Variants in ELOVL6 observed in about 807,000 individuals in gnomAD.
The protein encoded by ELOVL6 is ELOVL fatty acid elongase 6.
A neutral mutation model predicts 31.7 loss-of-function variants in ELOVL6; 8 were observed. The ratio of observed to expected loss-of-function variants is 0.25; its 90% confidence interval spans 0.15 to 0.45. The LOEUF is 0.45. Ranked by LOEUF, ELOVL6 falls within the 20% of genes least tolerant of loss-of-function variation. The probability of loss-of-function intolerance (pLI) is 1.00; values close to 1 mark genes in which losing one functional copy is unlikely to be tolerated. For missense variants in ELOVL6, 126 were observed against 326.4 expected, an observed-to-expected ratio of 0.39 and a Z score of 4.73; for synonymous variants, 101 against 117.7, an observed-to-expected ratio of 0.86 and a Z score of 0.92.
At position 110,070,936 on chromosome 4, in the gene ELOVL6, C is replaced by T. The variant is rs572645269; in HGVS notation, c.222-11182G>A. On this transcript the variant is annotated intron_variant, in intron 2 of 3. Coordinates refer to ENST00000302274, the MANE Select transcript of ELOVL6 (RefSeq NM_024090.3). Reference sequence around the variant, plus strand: ...CTCTTTGTAGCAATGTAAGAAGGGACGAATAAAGATAATTAATGCAAATTT... The same window carrying T: ...CTCTTTGTAGCAATGTAAGAAGGGATGAATAAAGATAATTAATGCAAATTT... Among the ~76,000 whole-genome samples, 8 of 152,062 alleles carry T rather than the reference C, an allele frequency of 5.3e-5. No homozygotes were observed. In the South Asian group the frequency reaches 8.3e-4, roughly 16 times the overall value.
At chr4:110,198,977 C>G (rs1759909660), upstream of ELOVL6, 1 of 152,264 alleles carries the variant, frequency 6.6e-6, no homozygotes, top group Non-Finnish European at 1.5e-5. Flanking sequence ...GAACTCCGGG[C>G]AAATCTACGT....
At chr4:110,117,095 G>A (rs1757189624) in intron 1 of ELOVL6, among the ~76,000 whole-genome samples, 2 of 152,138 alleles carry the variant, frequency 1.3e-5, no homozygotes, top group Admixed American at 1.3e-4. Context: ...CCCTTCAGAG[G>A]ATATTTTGAA....
At chr4:110,100,344 C>T (rs1362060172) in intron 2 of ELOVL6, among the ~76,000 whole-genome samples, 1 of 152,142 alleles carries the variant, frequency 6.6e-6, no homozygotes, top group African/African-American at 2.4e-5. Flanking sequence ...AATAAATTAC[C>T]ACCTGAATGA....
Position 110,080,561 on chromosome 4 carries a change from T to C in ELOVL6, c.222-20807A>G, listed in dbSNP as rs561295377. On this transcript the variant is annotated intron_variant, in intron 2 of 3. Coordinates refer to ENST00000302274, the MANE Select transcript of ELOVL6 (RefSeq NM_024090.3). ...CAACAGCGCTTCATGCTAAAAACTC[T>C]CAATAGATTAGGTATTGATGGGATG... Among the ~76,000 whole-genome samples the C allele has an allele frequency of 9.2e-5, 14 of 152,318 alleles. 1 individual carries two copies. In the South Asian group the frequency reaches 2.9e-3, roughly 32 times the overall value.
chr4:110,163,932 A>G (rs986748551), intron 1 of ELOVL6, among the ~76,000 whole-genome samples: 5 of 152,218 alleles, frequency 3.3e-5, no homozygotes, highest in Non-Finnish European at 5.9e-5. Context: ...ATTTGGGAGC[A>G]ATGAAAAGTT....
chr4:110,163,070 T>C (rs1434555639), intron 1 of ELOVL6, among the ~76,000 whole-genome samples: 2 of 152,184 alleles, frequency 1.3e-5, no homozygotes, highest in Non-Finnish European at 2.9e-5. Flanking sequence ...ACTGAGAATA[T>C]ATGAACTCCA....
chr4:110,091,024 A>G (rs1352858544), intron 2 of ELOVL6, among the ~76,000 whole-genome samples: 1 of 152,242 alleles, frequency 6.6e-6, no homozygotes, highest in Non-Finnish European at 1.5e-5. Context: ...AAGAGGATCA[A>G]TACAATATTC....
intron 2 of ELOVL6, among the ~76,000 whole-genome samples, chr4:110,100,950 T>C (rs1756724412): frequency 6.6e-6 from 1 of 152,254 alleles, no homozygotes. Flanking sequence ...TACAAAAATA[T>C]ATCCTTTATA....
chr4:110,140,276 A>G (rs1757917819), intron 1 of ELOVL6, among the ~76,000 whole-genome samples: 1 of 152,202 alleles, frequency 6.6e-6, no homozygotes, highest in Admixed American at 6.5e-5. Flanking sequence ...CTGCAACTGC[A>G]ATGATTGATT....
At chr4:110,098,578 C>G (rs770221663) in intron 2 of ELOVL6, among the ~76,000 whole-genome samples, 2 of 152,108 alleles carry the variant, frequency 1.3e-5, no homozygotes, top group Non-Finnish European at 2.9e-5. Flanking sequence ...CTTCCCTTCC[C>G]CTAAACAGAG....
chr4:110,123,620 T>C (rs1757413117), intron 1 of ELOVL6, among the ~76,000 whole-genome samples: 1 of 152,008 alleles, frequency 6.6e-6, no homozygotes, highest in Admixed American at 6.6e-5. Context: ...TTAAACAGGG[T>C]GGCACACTGG....
intron 2 of ELOVL6, among the ~76,000 whole-genome samples, chr4:110,100,967 A>T (rs1756724821): frequency 6.6e-6 from 1 of 152,232 alleles, no homozygotes; most frequent in African/African-American, 2.4e-5. Flanking sequence ...TATAATAATG[A>T]AGTTTTCATT....
At chr4:110,151,483 A>G (rs1023716228) in intron 1 of ELOVL6, among the ~76,000 whole-genome samples, 3 of 152,172 alleles carry the variant, frequency 2.0e-5, no homozygotes, top group Non-Finnish European at 4.4e-5. Flanking sequence ...TTCTGATTTC[A>G]GATTTTCAGA....
intron 1 of ELOVL6, among the ~76,000 whole-genome samples, chr4:110,111,781 G>A (rs536276380): frequency 1.2e-4 from 18 of 152,248 alleles, no homozygotes; most frequent in East Asian, 9.6e-4. Flanking sequence ...GAGCTAAACC[G>A]GGAGTCTGTC....
At chr4:110,095,202 C>T (rs1026930579) in intron 2 of ELOVL6, among the ~76,000 whole-genome samples, 5 of 152,186 alleles carry the variant, frequency 3.3e-5, no homozygotes, top group Admixed American at 1.3e-4. Context: ...GAAATTAGGC[C>T]TGGCTGTGGT....
intron 1 of ELOVL6, among the ~76,000 whole-genome samples, chr4:110,174,629 T>G (rs866502957): frequency 6.6e-6 from 1 of 152,150 alleles, no homozygotes; most frequent in African/African-American, 2.4e-5. Flanking sequence ...ATGTGCTAGG[T>G]TGACATTCCT....
At chr4:110,168,407 T>C (rs974365757) in intron 1 of ELOVL6, among the ~76,000 whole-genome samples, 1 of 151,888 alleles carries the variant, frequency 6.6e-6, no homozygotes, top group Non-Finnish European at 1.5e-5. Context: ...TAATCCCAGC[T>C]ACTTGGGTGA....
intron 1 of ELOVL6, among the ~76,000 whole-genome samples, chr4:110,126,530 ACT>A (rs1757503168): frequency 6.6e-6 from 1 of 151,816 alleles, no homozygotes; most frequent in South Asian, 2.1e-4. Context: ...CTTCTAATAC[ACT>A]CTCTGGTGTT....
intron 1 of ELOVL6, among the ~76,000 whole-genome samples, chr4:110,126,076 C>T (rs957559146): frequency 2.6e-5 from 4 of 152,060 alleles, no homozygotes; most frequent in Admixed American, 1.3e-4. Flanking sequence ...CAGGATCTCA[C>T]TCTGTTGCCC....
Sources: gnomAD v4.1 joint callset for allele counts (sites outside exome capture counted in the v4.1 genomes callset) on GRCh38, gnomAD v4.1.1 for gene constraint, MANE v1.5 for transcripts, NCBI Gene and HGNC (gene_info 2026-07-23, HGNC 2026-07-21) for gene names.